SMYD3: variants seen among roughly 807,000 people sequenced by gnomAD.
SMYD3 encodes SET and MYND domain containing 3, also known as histone-lysine N-methyltransferase SMYD3.
In SMYD3, 36 loss-of-function variants were observed where a neutral mutation model predicts 57.7. That is an observed-to-expected ratio of 0.62 (90% confidence interval 0.48 to 0.82). The LOEUF (loss-of-function observed/expected upper bound fraction) is 0.82. Ranked by LOEUF, SMYD3 falls within the 40% of genes least tolerant of loss-of-function variation. The probability of loss-of-function intolerance (pLI) is 0.00; values close to 1 mark genes in which losing one functional copy is unlikely to be tolerated. For missense variants in SMYD3, 515 were observed against 538.8 expected (o/e 0.96, Z 0.44); for synonymous variants, 211 against 195.0 (o/e 1.08, Z -0.68).
rs114623988 is a variant in SMYD3, at chr1:245,920,670, T to C, written c.703-5030A>G. Reference sequence around the variant, plus strand: ...TCATTCTCCCAACCTTGCCTACACATAGAAAAGTGGTCATACAAAAATAAG... The same window carrying C: ...TCATTCTCCCAACCTTGCCTACACACAGAAAAGTGGTCATACAAAAATAAG... On this transcript the variant is annotated intron_variant, in intron 7 of 11. Coordinates refer to ENST00000490107, the MANE Select transcript of SMYD3 (RefSeq NM_001167740.2). Among the ~76,000 whole-genome samples the C allele has an allele frequency of 3.6e-3, 551 of 152,302 alleles. 1 individual carries two copies. Among genetic ancestry groups the C allele is most frequent in the African/African-American group, 0.013 (528 of 41,574 alleles).
intron 1 of SMYD3, among the ~76,000 whole-genome samples, chr1:246,472,728 A>G (rs1011826424): frequency 5.3e-5 from 8 of 152,110 alleles, no homozygotes; most frequent in African/African-American, 1.9e-4. Context: ...TGGGTGACAG[A>G]GCAAGATCCT....
intron 5 of SMYD3, among the ~76,000 whole-genome samples, chr1:246,280,042 T>C (rs902722770): frequency 6.6e-6 from 1 of 152,190 alleles, no homozygotes; most frequent in Non-Finnish European, 1.5e-5. Context: ...CTTATAAATG[T>C]GAATGCCATA....
intron 5 of SMYD3, chr1:246,035,403 A>C (rs1195135731): frequency 6.6e-6 from 1 of 152,228 alleles, no homozygotes; most frequent in Non-Finnish European, 1.5e-5. Context: ...ACCGAAAGGA[A>C]GGAGGGTCAC....
At chr1:245,796,937 T>C (rs1303580270) in intron 10 of SMYD3, among the ~76,000 whole-genome samples, 1 of 152,102 alleles carries the variant, frequency 6.6e-6, no homozygotes, top group Non-Finnish European at 1.5e-5. Context: ...CGAAAGGCCA[T>C]GACTTAAGGT....
At chr1:246,470,507 A>G (rs898809562) in intron 1 of SMYD3, among the ~76,000 whole-genome samples, 1 of 133,232 alleles carries the variant, frequency 7.5e-6, no homozygotes, top group Non-Finnish European at 1.6e-5. Context: ...AATAAAAAAA[A>G]ATTAAAAAAA....
At chr1:246,257,921 T>C (rs1035413616) in intron 5 of SMYD3, among the ~76,000 whole-genome samples, 1 of 152,200 alleles carries the variant, frequency 6.6e-6, no homozygotes, top group African/African-American at 2.4e-5. Context: ...CTTTACCTAC[T>C]GGCATGAGTA....
chr1:245,823,002 G>T (rs572877852), intron 10 of SMYD3, among the ~76,000 whole-genome samples: 66 of 152,286 alleles, frequency 4.3e-4, no homozygotes, highest in Non-Finnish European at 8.1e-4. Context: ...CAGACACTGT[G>T]CTAGCAAAGG....
At chr1:245,831,099 C>T (rs542189706) in intron 10 of SMYD3, among the ~76,000 whole-genome samples, 6 of 152,298 alleles carry the variant, frequency 3.9e-5, no homozygotes, top group South Asian at 2.1e-4. Context: ...TTCAGAAATC[C>T]GGTTCCACGT....
At chr1:246,272,098 A>G (rs1184263376) in intron 5 of SMYD3, among the ~76,000 whole-genome samples, 1 of 152,224 alleles carries the variant, frequency 6.6e-6, no homozygotes, top group Non-Finnish European at 1.5e-5. Flanking sequence ...TTGTTTGTGT[A>G]TAAAAATGCA....
chr1:245,916,530 T>C (rs4409618), intron 7 of SMYD3, among the ~76,000 whole-genome samples: 9,210 of 152,214 alleles, frequency 0.061, 547 homozygotes, highest in African/African-American at 0.14. Flanking sequence ...TTTTGACTTA[T>C]CCAAGTTGAA....
intron 5 of SMYD3, among the ~76,000 whole-genome samples, chr1:246,165,623 C>A (rs985492527): frequency 6.6e-6 from 1 of 152,120 alleles, no homozygotes; most frequent in African/African-American, 2.4e-5. Flanking sequence ...GGAAAACTCC[C>A]AGGCAAGATT....
At chr1:245,978,660 C>T (rs1202684364) in intron 5 of SMYD3, among the ~76,000 whole-genome samples, 4 of 152,132 alleles carry the variant, frequency 2.6e-5, no homozygotes, top group Non-Finnish European at 5.9e-5. Flanking sequence ...TCCAGCGTTT[C>T]GGAGCCTGGC....
At chr1:246,059,245 C>T (rs1171047692) in intron 5 of SMYD3, among the ~76,000 whole-genome samples, 2 of 152,040 alleles carry the variant, frequency 1.3e-5, no homozygotes, top group Admixed American at 6.6e-5. Flanking sequence ...GCAATAGATC[C>T]TTTGGGTCTG....
intron 5 of SMYD3, among the ~76,000 whole-genome samples, chr1:246,324,575 G>A (rs563590186): frequency 7.2e-5 from 11 of 151,922 alleles, no homozygotes; most frequent in African/African-American, 2.2e-4. Context: ...TGTTGACAGC[G>A]TAAATTCAGA....
intron 5 of SMYD3, among the ~76,000 whole-genome samples, chr1:246,261,698 A>T (rs1367443974): frequency 8.1e-6 from 1 of 123,896 alleles, no homozygotes; most frequent in Non-Finnish European, 1.6e-5. Flanking sequence ...AAAAACAGTA[A>T]TAAGAATTTA....
At chr1:245,817,171 T>C (rs547284554) in intron 10 of SMYD3, among the ~76,000 whole-genome samples, 3 of 149,950 alleles carry the variant, frequency 2.0e-5, no homozygotes, top group Non-Finnish European at 3.0e-5. Flanking sequence ...AAGAGAGCAG[T>C]GGTTCTCCCA....
intron 2 of SMYD3, among the ~76,000 whole-genome samples, chr1:246,345,603 G>T (rs1232367000): frequency 6.6e-6 from 1 of 152,120 alleles, no homozygotes. Context: ...ATTTTGGAGC[G>T]CTGCAGATTT....
At chr1:246,093,128 T>C (rs2060850758) in intron 5 of SMYD3, among the ~76,000 whole-genome samples, 1 of 152,102 alleles carries the variant, frequency 6.6e-6, no homozygotes, top group Non-Finnish European at 1.5e-5. Flanking sequence ...CTTGCAAGGA[T>C]GTAGAGAAGG....
intron 5 of SMYD3, among the ~76,000 whole-genome samples, chr1:246,232,575 A>T (rs2063430842): frequency 6.8e-6 from 1 of 146,284 alleles, no homozygotes; most frequent in Admixed American, 6.8e-5. Context: ...TCCTCAATTC[A>T]CACTGTGATG....
Sources: allele counts gnomAD v4.1 joint callset (sites outside exome capture counted in the v4.1 genomes callset), GRCh38; gene constraint gnomAD v4.1.1; transcripts MANE v1.5; gene names NCBI Gene and HGNC (gene_info 2026-07-23, HGNC 2026-07-21).